DDI2: variants seen among roughly 807,000 people sequenced by gnomAD.
DDI2 encodes protein DDI1 homolog 2.
A neutral mutation model predicts 48.1 loss-of-function variants in DDI2; 5 were observed. That is an observed-to-expected ratio of 0.10 (90% CI 0.05 to 0.22). The LOEUF is 0.22. Among genes scored for constraint, DDI2 ranks in the 10% least tolerant of loss-of-function variants. The pLI is 1.00. For missense variants in DDI2, 285 were observed against 506.2 expected (o/e 0.56, Z 4.19); for synonymous variants, 205 against 183.6 (o/e 1.12, Z -0.94).
At chr1:15,621,498 C>T (rs966998102) in intron 1 of DDI2, among the ~76,000 whole-genome samples, 8 of 151,988 alleles carry the variant, frequency 5.3e-5, no homozygotes, top group African/African-American at 1.9e-4. Context: ...GATCCTTCCA[C>T]CTCAGCCTCC....
intron 1 of DDI2, among the ~76,000 whole-genome samples, chr1:15,618,597 TTGG>T (rs890103487): frequency 8.5e-5 from 13 of 152,294 alleles, no homozygotes; most frequent in African/African-American, 3.1e-4. Context: ...TCAGTGCTGT[TTGG>T]TGGTTTCATT....
chr1:15,653,253 G>GTTTTA (rs537891116), intron 8 of DDI2, among the ~76,000 whole-genome samples: 1 of 151,022 alleles, frequency 6.6e-6, no homozygotes, highest in Non-Finnish European at 1.5e-5. Flanking sequence ...TCTTAGGACT[G>GTTTTA]TTTTATTTTA....
At chr1:15,622,217 A>G (rs1261801695) in intron 1 of DDI2, among the ~76,000 whole-genome samples, 1 of 70,612 alleles carries the variant, frequency 1.4e-5, no homozygotes, top group Admixed American at 1.1e-4. Flanking sequence ...TTTTTTTTTG[A>G]GACGAGGTCT....
chr1:15,644,599 T>G (rs1027565262), intron 6 of DDI2, among the ~76,000 whole-genome samples: 4 of 134,220 alleles, frequency 3.0e-5, no homozygotes, highest in East Asian at 2.0e-4. Context: ...TTTTTTTTTT[T>G]TTTTTTTTTT....
At position 15,660,124 on chromosome 1, in the gene DDI2, C is replaced by T. The variant is rs1640340517; in HGVS notation, c.*334C>T. 9 of 1,614,168 alleles carry T rather than the reference C, an allele frequency of 5.6e-6. No homozygotes were observed. Among genetic ancestry groups the T allele is most frequent in the Non-Finnish European group, 7.6e-6 (9 of 1,180,040 alleles). On this transcript the variant is annotated 3_prime_UTR_variant, in exon 10 of 10. Transcript: ENST00000480945. ...TTCTGATCATGCTTCCTCAGCAGAC[C>T]ATGCTCCAACAGACCAGAGTCCAGC...
rs530979717 is a variant in DDI2, at chr1:15,633,428, T to TA, written c.506-10dup. 184 of 1,609,632 alleles carry TA rather than the reference T, an allele frequency of 1.1e-4. 1 individual carries two copies. The African/African-American group carries it at 2.3e-3, about 20-fold the overall frequency. ...AGTGATATTTAAGATTTTTCTCCCTTATTTTTGTAGAGAAATTTTCTAGAG... is the reference window on the plus strand; with the variant it reads ...AGTGATATTTAAGATTTTTCTCCCTTAATTTTTGTAGAGAAATTTTCTAGAG... On this transcript the variant is annotated splice_polypyrimidine_tract_variant and intron_variant, in intron 3 of 9. Coordinates refer to ENST00000480945, the MANE Select transcript of DDI2 (RefSeq NM_032341.5).
chr1:15,632,925 T>G (rs1428509554), intron 3 of DDI2, among the ~76,000 whole-genome samples: 10 of 130,284 alleles, frequency 7.7e-5, no homozygotes, highest in African/African-American at 2.9e-4. Flanking sequence ...TTTTTTTTTT[T>G]TTTTTTAAAA....
At position 15,658,876 on chromosome 1, in the gene DDI2, G is replaced by C. The variant is rs115846819; in HGVS notation, c.*47-961G>C. On this transcript the variant is annotated intron_variant, in intron 9 of 9. Transcript: ENST00000480945. The stretch of plus-strand genomic sequence containing the variant: ...TATGATGCTTACACTGAGCCGTCTT[G>C]TTTGGGTGGTCTAAGGTAGCAGTGA... Among the ~76,000 whole-genome samples, 731 of 152,288 alleles carry C rather than the reference G, an allele frequency of 4.8e-3. 7 individuals are homozygous for C. Among genetic ancestry groups the C allele is most frequent in the African/African-American group, 0.016 (653 of 41,556 alleles).
chr1:15,622,441 T>C (rs1427690215), intron 1 of DDI2, among the ~76,000 whole-genome samples: 2 of 152,080 alleles, frequency 1.3e-5, no homozygotes, highest in Non-Finnish European at 1.5e-5. Context: ...GAAGTTTTAT[T>C]AATTAGTCTA....
At chr1:15,633,721 C>A (rs978262057) in intron 4 of DDI2, 156 bp downstream of exon 4, 1 of 1,091,374 alleles carries the variant, frequency 9.2e-7, no homozygotes, top group Admixed American at 1.8e-5. Flanking sequence ...TCTCCTCTTT[C>A]ATTTTCTATG....
intron 6 of DDI2, among the ~76,000 whole-genome samples, chr1:15,648,518 A>G (rs1204747480): frequency 6.6e-6 from 1 of 152,210 alleles, no homozygotes; most frequent in Admixed American, 6.5e-5. Flanking sequence ...TGGGCCCTAT[A>G]TTGTGAGAAT....
At chr1:15,649,010 G>C (rs753746750) in intron 6 of DDI2, among the ~76,000 whole-genome samples, 4 of 151,578 alleles carry the variant, frequency 2.6e-5, no homozygotes, top group Admixed American at 6.6e-5. Flanking sequence ...AGGCAGGGAT[G>C]ACTGCCTGAG....
chr1:15,639,649 A>C (rs1473578888), intron 5 of DDI2, among the ~76,000 whole-genome samples: 1 of 152,228 alleles, frequency 6.6e-6, no homozygotes, highest in Non-Finnish European at 1.5e-5. Context: ...CTTTTTGTAG[A>C]GACAGGGTTC....
At chr1:15,634,646 C>G (rs1020175714) in intron 4 of DDI2, among the ~76,000 whole-genome samples, 6 of 149,866 alleles carry the variant, frequency 4.0e-5, no homozygotes, top group Non-Finnish European at 5.9e-5. Context: ...GTGTTCTCAC[C>G]TTAGCCTCCC....
chr1:15,650,846 C>CTATTTATT lies in DDI2; in HGVS notation c.994-842_994-835dup, dbSNP rs370118711. Among the ~76,000 whole-genome samples, 19 of 151,960 alleles carry CTATTTATT rather than the reference C, an allele frequency of 1.3e-4. No individual in the cohort carries two copies. In the East Asian group the frequency reaches 2.3e-3, roughly 19 times the overall value. On this transcript the variant is annotated intron_variant, in intron 7 of 9. Transcript: ENST00000480945. The stretch of plus-strand genomic sequence containing the variant: ...CATATTGATAATAAGACACAGCATT[C>CTATTTATT]TATTTATTTATTTATTTATTTATTT...
chr1:15,627,008 A>C, intron 2 of DDI2: 1 of 601,850 alleles, frequency 1.7e-6, no homozygotes, highest in Non-Finnish European at 2.9e-6. Context: ...ATTAACCCCA[A>C]CTCCTAAAGC....
At chr1:15,624,267 A>G (rs548360085) in intron 1 of DDI2, among the ~76,000 whole-genome samples, 3 of 152,032 alleles carry the variant, frequency 2.0e-5, no homozygotes, top group Admixed American at 6.6e-5. Flanking sequence ...GCACACCTCA[A>G]CCTGTGACGC....
chr1:15,618,801 TAAGAAAATTATAG>T (rs1312428426), intron 1 of DDI2, among the ~76,000 whole-genome samples: 6 of 152,218 alleles, frequency 3.9e-5, no homozygotes, highest in African/African-American at 1.4e-4. Flanking sequence ...GTCTAAACAT[TAAGAAAATTATAG>T]AGGTCTCCCA....
At chr1:15,622,473 T>C (rs940387750) in intron 1 of DDI2, among the ~76,000 whole-genome samples, 1 of 152,222 alleles carries the variant, frequency 6.6e-6, no homozygotes, top group Non-Finnish European at 1.5e-5. Flanking sequence ...TGATTAAGAT[T>C]ATAATTCAGT....
Sources: allele counts gnomAD v4.1 joint callset (sites outside exome capture counted in the v4.1 genomes callset), GRCh38; gene constraint gnomAD v4.1.1; transcripts MANE v1.5; gene names NCBI Gene and HGNC (gene_info 2026-07-23, HGNC 2026-07-21).